The following VKORC1L1 variants were observed in gnomAD, a reference collection of about 807,000 sequenced individuals.
VKORC1L1 encodes vitamin K epoxide reductase complex subunit 1L1, also known as vitamin K epoxide reductase complex subunit 1-like protein 1.
In VKORC1L1, 2 loss-of-function variants were observed where a neutral mutation model predicts 18.9. That is an observed-to-expected ratio of 0.11 (90% CI 0.04 to 0.33). VKORC1L1 has a LOEUF of 0.33. Among genes scored for constraint, VKORC1L1 ranks in the 10% least tolerant of loss-of-function variants. The pLI is 1.00. For synonymous variants in VKORC1L1, 96 were observed against 100.0 expected, an observed-to-expected ratio of 0.96 and a Z score of 0.24; for missense variants, 123 against 224.1, an observed-to-expected ratio of 0.55 and a Z score of 2.88.
chr7:65,953,842 G>A (rs1428664609), intron 2 of VKORC1L1, among the ~76,000 whole-genome samples: 2 of 152,216 alleles, frequency 1.3e-5, no homozygotes, highest in Non-Finnish European at 2.9e-5. Context: ...TCCAGCCTGG[G>A]CGGTAGAGTG....
intron 1 of VKORC1L1, among the ~76,000 whole-genome samples, chr7:65,926,643 C>T (rs902780352): frequency 6.6e-6 from 1 of 152,212 alleles, no homozygotes; most frequent in Non-Finnish European, 1.5e-5. Flanking sequence ...GAAAAAGACA[C>T]CTGCACATGC....
intron 1 of VKORC1L1, among the ~76,000 whole-genome samples, chr7:65,893,057 G>A (rs1789133834): frequency 6.6e-6 from 1 of 152,246 alleles, no homozygotes; most frequent in Non-Finnish European, 1.5e-5. Flanking sequence ...TGCAGAAGCA[G>A]ATAAGAGAAT....
At chr7:65,950,724 T>A (rs1790199194) in intron 2 of VKORC1L1, among the ~76,000 whole-genome samples, 1 of 152,090 alleles carries the variant, frequency 6.6e-6, no homozygotes, top group South Asian at 2.1e-4. Flanking sequence ...AAAAAGGAGA[T>A]CTATGTTTAT....
At chr7:65,895,452 A>AG (rs1367157024) in intron 1 of VKORC1L1, among the ~76,000 whole-genome samples, 8 of 27,224 alleles carry the variant, frequency 2.9e-4, no homozygotes, top group African/African-American at 1.3e-3. Flanking sequence ...GCCATCTGTG[A>AG]GAAAAAAAAA....
intron 1 of VKORC1L1, among the ~76,000 whole-genome samples, chr7:65,908,521 C>T (rs1265629832): frequency 6.6e-6 from 1 of 151,916 alleles, no homozygotes; most frequent in Non-Finnish European, 1.5e-5. Context: ...ATTTCTCAAA[C>T]CACTGAAGGC....
At chr7:65,940,393 G>C (rs1270807295) in intron 1 of VKORC1L1, among the ~76,000 whole-genome samples, 2 of 152,176 alleles carry the variant, frequency 1.3e-5, no homozygotes, top group Non-Finnish European at 2.9e-5. Flanking sequence ...GATATTTTTA[G>C]ATGTCCAGCA....
chr7:65,884,620 G>C (rs1788982838), intron 1 of VKORC1L1, among the ~76,000 whole-genome samples: 1 of 152,174 alleles, frequency 6.6e-6, no homozygotes, highest in Non-Finnish European at 1.5e-5. Flanking sequence ...CTGGGCGACA[G>C]AGTGAGACTG....
chr7:65,952,304 T>G (rs774078183), intron 2 of VKORC1L1, among the ~76,000 whole-genome samples: 2 of 152,208 alleles, frequency 1.3e-5, no homozygotes, highest in Non-Finnish European at 2.9e-5. Context: ...TCAACTCTTC[T>G]AGTATGAAAG....
chr7:65,905,459 G>A (rs947016883), intron 1 of VKORC1L1, among the ~76,000 whole-genome samples: 4 of 151,782 alleles, frequency 2.6e-5, no homozygotes, highest in East Asian at 1.9e-4. Flanking sequence ...ACAGGTGCCC[G>A]CCACCACACT....
intron 1 of VKORC1L1, among the ~76,000 whole-genome samples, chr7:65,930,525 T>C (rs1022554113): frequency 6.6e-6 from 1 of 152,208 alleles, no homozygotes; most frequent in Non-Finnish European, 1.5e-5. Context: ...TTGGAACTGA[T>C]TGCTACAGCG....
intron 1 of VKORC1L1, among the ~76,000 whole-genome samples, chr7:65,916,023 A>T (rs1221116314): frequency 6.6e-6 from 1 of 151,686 alleles, no homozygotes; most frequent in Non-Finnish European, 1.5e-5. Flanking sequence ...AGGCGGGAGA[A>T]TCGCTTGAAC....
chr7:65,895,467 AAAAAAAAAAAAAAATATATATATAT>A (rs1311632686), intron 1 of VKORC1L1, among the ~76,000 whole-genome samples: 5 of 51,656 alleles, frequency 9.7e-5, no homozygotes, highest in African/African-American at 4.2e-4. Context: ...AAAAAAAAAA[AAAAAAAAAAAAAAATATATATATAT>A]ATATATATAT....
At chr7:65,907,463 A>G (rs1789425255) in intron 1 of VKORC1L1, among the ~76,000 whole-genome samples, 1 of 152,084 alleles carries the variant, frequency 6.6e-6, no homozygotes, top group Non-Finnish European at 1.5e-5. Context: ...TAAATGGAGG[A>G]TTTAAATATC....
rs1176026491 is a variant in VKORC1L1 at position 65,957,966 on chromosome 7, G to T, written c.*3666G>T. The stretch of plus-strand genomic sequence containing the variant: ...TAGATTGGTACCAAGAGTGACAGGA[G>T]ATCTTGTCTTGGAAGATCATTATTA... On this transcript the variant is annotated 3_prime_UTR_variant, in exon 3 of 3. Transcript: ENST00000360768. 5.9e-5 allele frequency: 9 copies of T among 152,334 alleles called. No individual in the cohort carries two copies. Among genetic ancestry groups the T allele is most frequent in the Non-Finnish European group, 8.8e-5 (6 of 68,038 alleles). 9.4% of individuals were successfully genotyped at this position (152,334 alleles called of 1,614,324 possible). A position where few individuals can be genotyped will look rare whatever the true frequency, so the allele number is the denominator to read the frequency against.
intron 1 of VKORC1L1, among the ~76,000 whole-genome samples, chr7:65,921,062 T>TG (rs79052634): frequency 0.014 from 2,170 of 151,844 alleles, 46 homozygotes; most frequent in East Asian, 0.086. Context: ...TCTTTTACTT[T>TG]GGGGGGGGTT....
chr7:65,923,024 A>T (rs952826777), intron 1 of VKORC1L1, among the ~76,000 whole-genome samples: 1 of 152,034 alleles, frequency 6.6e-6, no homozygotes, highest in Admixed American at 6.5e-5. Flanking sequence ...GTTTTTGCTG[A>T]TGATAAAGTA....
At chr7:65,879,130 G>T (rs1400852522) in intron 1 of VKORC1L1, among the ~76,000 whole-genome samples, 1 of 151,896 alleles carries the variant, frequency 6.6e-6, no homozygotes, top group Admixed American at 6.6e-5. Context: ...GAAGTATCAC[G>T]TATGCATCCT....
chr7:65,869,459 T>C (rs1047477007), upstream of VKORC1L1, among the ~76,000 whole-genome samples: 2 of 151,994 alleles, frequency 1.3e-5, no homozygotes, highest in Non-Finnish European at 2.9e-5. Flanking sequence ...AATCTAGCCA[T>C]CCAAAAGGAT....
At chr7:65,896,016 T>C (rs1583831765) in intron 1 of VKORC1L1, among the ~76,000 whole-genome samples, 1 of 149,910 alleles carries the variant, frequency 6.7e-6, no homozygotes, top group Non-Finnish European at 1.5e-5. Flanking sequence ...CTGCCTCAGC[T>C]TCCCAAGTAG....
Sources: gnomAD v4.1 joint callset for allele counts (sites outside exome capture counted in the v4.1 genomes callset) on GRCh38, gnomAD v4.1.1 for gene constraint, MANE v1.5 for transcripts, NCBI Gene and HGNC (gene_info 2026-07-23, HGNC 2026-07-21) for gene names.